Variants in PDE4D observed in about 807,000 individuals in gnomAD.
PDE4D encodes phosphodiesterase 4D, also known as 3',5'-cyclic-AMP phosphodiesterase 4D.
Under a neutral mutation model 87.4 loss-of-function variants are expected in PDE4D, and 24 were observed. The ratio of observed to expected loss-of-function variants is 0.27; its 90% CI spans 0.20 to 0.39. PDE4D has a LOEUF of 0.39. Among genes scored for constraint, PDE4D ranks in the 10% least tolerant of loss-of-function variants. PDE4D has a pLI of 1.00. For synonymous variants in PDE4D, 384 were observed against 383.2 expected (o/e 1.00, Z -0.02); for missense variants, 714 against 1,041.0 (o/e 0.69, Z 4.32).
At chr5:59,894,060 T>C (rs1340757226), upstream of PDE4D, among the ~76,000 whole-genome samples, 1 of 152,164 alleles carries the variant, frequency 6.6e-6, no homozygotes, top group African/African-American at 2.4e-5. Flanking sequence ...ACCGGAACCC[T>C]GATCCCGGAG....
chr5:60,455,751 T>C (rs1162526985), intron 1 of PDE4D, among the ~76,000 whole-genome samples: 2 of 152,154 alleles, frequency 1.3e-5, no homozygotes, highest in Non-Finnish European at 2.9e-5. Flanking sequence ...ATCTAGTACC[T>C]ACAGCATTAG....
At chr5:59,062,885 T>A (rs920059013) in intron 5 of PDE4D, among the ~76,000 whole-genome samples, 1 of 151,486 alleles carries the variant, frequency 6.6e-6, no homozygotes, top group African/African-American at 2.4e-5. Flanking sequence ...TAGGCTCACA[T>A]AAGTGACACT....
intron 1 of PDE4D, among the ~76,000 whole-genome samples, chr5:59,876,961 CA>C (rs1748691515): frequency 6.6e-6 from 1 of 151,976 alleles, no homozygotes; most frequent in Non-Finnish European, 1.5e-5. Context: ...ATTATGAAAA[CA>C]AATATTTAGA....
chr5:60,518,689 G>T (rs1193096560), intron 1 of PDE4D, among the ~76,000 whole-genome samples: 1 of 152,092 alleles, frequency 6.6e-6, no homozygotes, highest in Non-Finnish European at 1.5e-5. Flanking sequence ...GAAATGCCTG[G>T]TGTTATTTTT....
chr5:59,260,332 C>G (rs1015464545), intron 1 of PDE4D, among the ~76,000 whole-genome samples: 1 of 151,844 alleles, frequency 6.6e-6, no homozygotes, highest in Non-Finnish European at 1.5e-5. Flanking sequence ...CACACCTACG[C>G]TATATTTAGG....
At chr5:59,019,402 T>A (rs940513561) in intron 6 of PDE4D, among the ~76,000 whole-genome samples, 2 of 152,172 alleles carry the variant, frequency 1.3e-5, no homozygotes, top group East Asian at 3.9e-4. Flanking sequence ...TTCCTTATAG[T>A]CAAATGTAAG....
Position 59,020,750 on chromosome 5 carries a change from C to T in PDE4D, c.921+18109G>A, listed in dbSNP as rs1057197959. Among the ~76,000 whole-genome samples the T allele has an allele frequency of 7.9e-5, 12 of 151,792 alleles. No homozygotes were observed. The South Asian group carries it at 2.5e-3, about 32-fold the overall frequency. ...GACTCCTCTGTAAAGTGGCTGACAG[C>T]AAGTGGAAAATGGAAGAAGAACAAT... On this transcript the variant is annotated intron_variant, in intron 6 of 14. Coordinates refer to ENST00000340635, the MANE Select transcript of PDE4D (RefSeq NM_001104631.2).
At chr5:59,831,460 G>C (rs144935691) in intron 1 of PDE4D, among the ~76,000 whole-genome samples, 37 of 152,040 alleles carry the variant, frequency 2.4e-4, no homozygotes, top group African/African-American at 8.9e-4. Context: ...GTAGTTTGTA[G>C]TAAATGTTTC....
At chr5:59,697,533 A>G (rs186659883) in intron 1 of PDE4D, among the ~76,000 whole-genome samples, 3 of 152,322 alleles carry the variant, frequency 2.0e-5, no homozygotes, top group Admixed American at 6.5e-5. Flanking sequence ...ACCAACACTT[A>G]CCATCTCATT....
chr5:59,572,455 TTTTTG>T (rs200796607), intron 1 of PDE4D, among the ~76,000 whole-genome samples: 2,705 of 152,024 alleles, frequency 0.018, 81 homozygotes, highest in African/African-American at 0.06. Flanking sequence ...GTACACAGGT[TTTTTG>T]TTTTGTTTTG....
intron 1 of PDE4D, among the ~76,000 whole-genome samples, chr5:60,312,837 T>C (rs540280701): frequency 2.2e-4 from 34 of 152,184 alleles, no homozygotes; most frequent in African/African-American, 6.0e-4. Context: ...TGGGTAAACA[T>C]TGAAATTAAG....
intron 1 of PDE4D, among the ~76,000 whole-genome samples, chr5:59,555,342 A>AGAGGGTGGAGGGTGGTAT (rs1818716962): frequency 6.6e-6 from 1 of 152,106 alleles, no homozygotes; most frequent in Admixed American, 6.6e-5. Flanking sequence ...GGGGCCTACC[A>AGAGGGTGGAGGGTGGTAT]GAGGGTGGAG....
chr5:59,721,257 ATTATTATTT>A (rs1755787039), intron 1 of PDE4D, among the ~76,000 whole-genome samples: 1 of 152,058 alleles, frequency 6.6e-6, no homozygotes, highest in Admixed American at 6.6e-5. Flanking sequence ...TTTCCTGTGT[ATTATTATTT>A]CTCTTCTATT....
rs1180452464 is a variant in PDE4D at position 59,492,334 on chromosome 5, AATAAT to A, written c.456-276371_456-276367del. The stretch of plus-strand genomic sequence containing the variant: ...GATTACCTACTTATATTAATCCAGA[AATAAT>A]ATAAGAAATGCTGTCTGATTAGGGA... On this transcript the variant is annotated intron_variant, in intron 1 of 14. Coordinates refer to ENST00000340635, the MANE Select transcript of PDE4D (RefSeq NM_001104631.2). Among the ~76,000 whole-genome samples, 4 of 152,218 alleles carry A rather than the reference AATAAT, an allele frequency of 2.6e-5. No individual in the cohort carries two copies. The East Asian group carries it at 7.7e-4, about 29-fold the overall frequency.
chr5:60,294,618 T>C (rs973962348), intron 1 of PDE4D, among the ~76,000 whole-genome samples: 5 of 152,146 alleles, frequency 3.3e-5, no homozygotes, highest in Admixed American at 2.6e-4. Flanking sequence ...AATAAGCCTC[T>C]CCATTCCTTT....
chr5:58,987,283 T>C (rs1416459250), intron 11 of PDE4D, among the ~76,000 whole-genome samples: 3 of 152,194 alleles, frequency 2.0e-5, no homozygotes, highest in Non-Finnish European at 4.4e-5. Flanking sequence ...CATAGGTAGG[T>C]AGAACATGAA....
At chr5:60,401,599 C>T (rs927826437) in intron 1 of PDE4D, among the ~76,000 whole-genome samples, 7 of 152,130 alleles carry the variant, frequency 4.6e-5, no homozygotes, top group Non-Finnish European at 1.0e-4. Context: ...GTCAGTGATC[C>T]GCACCAATGT....
intron 1 of PDE4D, among the ~76,000 whole-genome samples, chr5:59,845,225 A>T (rs1454255379): frequency 2.0e-5 from 3 of 152,072 alleles, no homozygotes; most frequent in Non-Finnish European, 4.4e-5. Flanking sequence ...ATGGTGCTTT[A>T]AGCCACTGAG....
intron 6 of PDE4D, among the ~76,000 whole-genome samples, chr5:59,019,224 C>G (rs1186150038): frequency 6.6e-6 from 1 of 151,900 alleles, no homozygotes; most frequent in Non-Finnish European, 1.5e-5. Context: ...CTACTCATTC[C>G]TCTCTTTTCA....
Sources: allele counts gnomAD v4.1 joint callset (sites outside exome capture counted in the v4.1 genomes callset), GRCh38; gene constraint gnomAD v4.1.1; transcripts MANE v1.5; gene names NCBI Gene and HGNC (gene_info 2026-07-23, HGNC 2026-07-21).